RALYL: variants seen among roughly 807,000 people sequenced by gnomAD.
RALYL encodes RNA-binding Raly-like protein.
Under a neutral mutation model 35.1 loss-of-function variants are expected in RALYL, and 29 were observed. That is an observed-to-expected ratio of 0.83 (90% CI 0.61 to 1.13). The LOEUF is 1.13. Ranked by LOEUF, RALYL falls within the 50% of genes most tolerant of loss-of-function variation. The pLI is 0.00. For missense variants in RALYL, 359 were observed against 360.4 expected (o/e 1.00, Z 0.03); for synonymous variants, 120 against 127.6 (o/e 0.94, Z 0.40).
chr8:84,802,218 C>G (rs1823471247), intron 3 of RALYL, among the ~76,000 whole-genome samples: 1 of 152,148 alleles, frequency 6.6e-6, no homozygotes, highest in African/African-American at 2.4e-5. Flanking sequence ...GTTTGAATTT[C>G]ATGAATTTTC....
chr8:84,589,316 C>CT (rs1267576450), intron 2 of RALYL, among the ~76,000 whole-genome samples: 15 of 152,232 alleles, frequency 9.9e-5, no homozygotes, highest in African/African-American at 3.4e-4. Flanking sequence ...AAAAATGTAG[C>CT]TTTTTTCTTA....
At chr8:84,261,312 C>A (rs1443113826) in intron 1 of RALYL, among the ~76,000 whole-genome samples, 1 of 152,072 alleles carries the variant, frequency 6.6e-6, no homozygotes, top group Non-Finnish European at 1.5e-5. Flanking sequence ...TTGTAGTTCC[C>A]ATAATCCCCA....
chr8:84,493,384 C>A (rs1365868899), intron 1 of RALYL, among the ~76,000 whole-genome samples: 1 of 151,966 alleles, frequency 6.6e-6, no homozygotes, highest in Non-Finnish European at 1.5e-5. Context: ...CATATGTGTG[C>A]GTGTATTTTT....
chr8:84,608,636 A>T (rs1817661001), intron 2 of RALYL, among the ~76,000 whole-genome samples: 1 of 152,106 alleles, frequency 6.6e-6, no homozygotes, highest in Non-Finnish European at 1.5e-5. Flanking sequence ...GAATCTTTTA[A>T]ACTATTAGGA....
intron 2 of RALYL, among the ~76,000 whole-genome samples, chr8:84,643,574 T>A (rs776172720): frequency 9.2e-5 from 14 of 151,964 alleles, no homozygotes; most frequent in Non-Finnish European, 1.5e-4. Flanking sequence ...CTATGCCCCA[T>A]CATACAGAAA....
chr8:84,657,710 G>T (rs2131612131), intron 2 of RALYL, among the ~76,000 whole-genome samples: 1 of 152,240 alleles, frequency 6.6e-6, no homozygotes, highest in South Asian at 2.1e-4. Context: ...CTAAAACTGG[G>T]GGGATAAATC....
chr8:84,917,268 A>C (rs1384482471), intron 8 of RALYL, among the ~76,000 whole-genome samples: 2 of 152,002 alleles, frequency 1.3e-5, no homozygotes, highest in African/African-American at 4.8e-5. Context: ...ACTGAGCAGA[A>C]CAATGGGTTT....
intron 8 of RALYL, among the ~76,000 whole-genome samples, chr8:84,892,284 G>A (rs908462427): frequency 1.3e-5 from 2 of 152,124 alleles, no homozygotes; most frequent in African/African-American, 4.8e-5. Flanking sequence ...ATGGCTCCTT[G>A]TCTCAAGTAG....
At chr8:84,854,576 A>C (rs1409425424) in intron 5 of RALYL, among the ~76,000 whole-genome samples, 5 of 152,108 alleles carry the variant, frequency 3.3e-5, no homozygotes, top group African/African-American at 1.2e-4. Flanking sequence ...GCCTGCAGAG[A>C]GCGCTCAGCT....
chr8:84,664,204 G>T (rs548104418), intron 2 of RALYL, among the ~76,000 whole-genome samples: 62 of 143,792 alleles, frequency 4.3e-4, no homozygotes, highest in African/African-American at 1.5e-3. Flanking sequence ...ATGCTGCTTT[G>T]GTTACTCTAG....
chr8:84,754,960 T>C (rs1286167092), intron 2 of RALYL, among the ~76,000 whole-genome samples: 1 of 152,194 alleles, frequency 6.6e-6, no homozygotes, highest in Non-Finnish European at 1.5e-5. Context: ...TTGGGTAACT[T>C]GCCCAAGTTT....
At chr8:84,770,757 G>C (rs1249305945) in intron 2 of RALYL, among the ~76,000 whole-genome samples, 1 of 152,048 alleles carries the variant, frequency 6.6e-6, no homozygotes, top group East Asian at 1.9e-4. Flanking sequence ...GGGTAAGGTG[G>C]TATAGCACCG....
chr8:84,235,510 G>T (rs1448707881), intron 1 of RALYL, among the ~76,000 whole-genome samples: 1 of 152,104 alleles, frequency 6.6e-6, no homozygotes, highest in Non-Finnish European at 1.5e-5. Flanking sequence ...TTTGATGTTG[G>T]CATGGCCAGA....
rs552103269 is a variant in RALYL, at chr8:84,716,441, GA to G, written c.257-58133del. 5.3e-5 allele frequency among the ~76,000 whole-genome samples: 8 copies of G among 152,240 alleles called. No individual in the cohort carries two copies. The South Asian group carries it at 1.7e-3, about 32-fold the overall frequency. On this transcript the variant is annotated intron_variant, in intron 2 of 8. Transcript: ENST00000521268. The stretch of plus-strand genomic sequence containing the variant: ...GGTTTACTTTTAATTGAGGTATGAG[GA>G]AAAATTCATTTACTTGGTCACATGC...
At chr8:84,682,937 G>T in intron 2 of RALYL, among the ~76,000 whole-genome samples, 1 of 151,994 alleles carries the variant, frequency 6.6e-6, no homozygotes, top group East Asian at 1.9e-4. Flanking sequence ...TGATGTTAGG[G>T]TGTCAATTTT....
At chr8:84,387,818 T>G (rs539930181) in intron 1 of RALYL, among the ~76,000 whole-genome samples, 5 of 148,110 alleles carry the variant, frequency 3.4e-5, no homozygotes, top group Non-Finnish European at 7.4e-5. Flanking sequence ...TTTTTTTTTT[T>G]GATTGTAAGA....
At chr8:84,439,805 G>A (rs550342370) in intron 1 of RALYL, among the ~76,000 whole-genome samples, 17 of 151,856 alleles carry the variant, frequency 1.1e-4, no homozygotes, top group African/African-American at 3.6e-4. Flanking sequence ...AAAGGTGTTT[G>A]TAAGTGTGTT....
intron 2 of RALYL, among the ~76,000 whole-genome samples, chr8:84,541,908 T>C (rs983664546): frequency 6.6e-6 from 1 of 152,076 alleles, no homozygotes; most frequent in Admixed American, 6.6e-5. Context: ...GTATATCATT[T>C]TTCATCCGTT....
chr8:84,849,140 G>A (rs1835278547), intron 4 of RALYL, among the ~76,000 whole-genome samples: 1 of 152,124 alleles, frequency 6.6e-6, no homozygotes, highest in Non-Finnish European at 1.5e-5. Flanking sequence ...AGTGGATGGA[G>A]GTGACTTTTT....
Sources: gnomAD v4.1 joint callset for allele counts (sites outside exome capture counted in the v4.1 genomes callset) on GRCh38, gnomAD v4.1.1 for gene constraint, MANE v1.5 for transcripts, NCBI Gene and HGNC (gene_info 2026-07-23, HGNC 2026-07-21) for gene names.